Variants in ARMH3 observed in about 807,000 individuals in gnomAD.
ARMH3 encodes the protein armadillo like helical domain containing 3.
A neutral mutation model predicts 99.1 loss-of-function variants in ARMH3; 60 were observed. The observed-to-expected ratio is 0.61, with a 90% CI of 0.49 to 0.75. The LOEUF is 0.75. ARMH3 is among the 30% of genes least tolerant of loss of function. The pLI is 0.00. For missense variants in ARMH3, 679 were observed against 843.1 expected, an observed-to-expected ratio of 0.81 and a Z score of 2.41; for synonymous variants, 285 against 292.8, an observed-to-expected ratio of 0.97 and a Z score of 0.27.
At chr10:101,976,901 C>G (rs1399522576) in intron 19 of ARMH3, among the ~76,000 whole-genome samples, 1 of 152,146 alleles carries the variant, frequency 6.6e-6, no homozygotes, top group Non-Finnish European at 1.5e-5. Flanking sequence ...GATCCACCTG[C>G]CTTGACCTCC....
intron 22 of ARMH3, among the ~76,000 whole-genome samples, chr10:101,954,251 G>A (rs1163412159): frequency 6.6e-6 from 1 of 152,176 alleles, no homozygotes; most frequent in African/African-American, 2.4e-5. Flanking sequence ...ATGTTAACAG[G>A]AGCTTTATTT....
intron 11 of ARMH3, among the ~76,000 whole-genome samples, chr10:102,010,635 C>T (rs1053566397): frequency 1.3e-5 from 2 of 152,206 alleles, no homozygotes; most frequent in Non-Finnish European, 2.9e-5. Flanking sequence ...AAGATGCCTA[C>T]ACCCACTAAA....
At chr10:102,034,531 G>C (rs890753374) in intron 2 of ARMH3, among the ~76,000 whole-genome samples, 1 of 151,842 alleles carries the variant, frequency 6.6e-6, no homozygotes, top group Non-Finnish European at 1.5e-5. Context: ...AGCTACTAGG[G>C]AGGCTGAGGC....
intron 23 of ARMH3, among the ~76,000 whole-genome samples, chr10:101,934,974 A>G (rs1843889272): frequency 2.6e-5 from 4 of 151,916 alleles, no homozygotes; most frequent in Admixed American, 2.6e-4. Context: ...ACACTCCTCT[A>G]AAACACAGCA....
intron 16 of ARMH3, among the ~76,000 whole-genome samples, chr10:101,994,486 A>T (rs1846963733): frequency 6.6e-6 from 1 of 152,114 alleles, no homozygotes; most frequent in Admixed American, 6.6e-5. Flanking sequence ...GTAAAGGGGG[A>T]GGTTGAAGCT....
intron 24 of ARMH3, among the ~76,000 whole-genome samples, chr10:101,877,139 C>CA (rs773248744): frequency 1.3e-4 from 19 of 151,510 alleles, no homozygotes; most frequent in South Asian, 4.2e-4. Context: ...CTATCTCTAC[C>CA]AAAAAAAATA....
At chr10:102,021,376 A>G (rs1590195116) in intron 8 of ARMH3, among the ~76,000 whole-genome samples, 1 of 149,290 alleles carries the variant, frequency 6.7e-6, no homozygotes. Context: ...TACCGTCCCC[A>G]GCCTTAGATT....
At chr10:102,030,173 A>C (rs1399140331) in intron 4 of ARMH3, among the ~76,000 whole-genome samples, 1 of 152,050 alleles carries the variant, frequency 6.6e-6, no homozygotes, top group East Asian at 1.9e-4. Context: ...CTCCTGCCTC[A>C]GCCTCCCAAA....
At chr10:101,901,307 A>G (rs2067971607) in intron 23 of ARMH3, among the ~76,000 whole-genome samples, 1 of 151,342 alleles carries the variant, frequency 6.6e-6, no homozygotes, top group South Asian at 2.1e-4. Context: ...CTCCAGGAAA[A>G]GAATGAAATT....
intron 23 of ARMH3, among the ~76,000 whole-genome samples, chr10:101,908,735 C>T (rs1842741138): frequency 1.3e-5 from 2 of 150,816 alleles, no homozygotes; most frequent in Non-Finnish European, 1.5e-5. Flanking sequence ...GCAGTCTCAG[C>T]TCACTGCAAG....
chr10:101,952,967 C>G (rs1844858598), intron 22 of ARMH3, among the ~76,000 whole-genome samples: 1 of 152,224 alleles, frequency 6.6e-6, no homozygotes, highest in South Asian at 2.1e-4. Context: ...GGTTCATACA[C>G]ACTGCAACAT....
chr10:101,907,956 C>T (rs1189668571), intron 23 of ARMH3, among the ~76,000 whole-genome samples: 3 of 152,212 alleles, frequency 2.0e-5, no homozygotes, highest in Non-Finnish European at 4.4e-5. Context: ...CCATCCTCAT[C>T]CCTTGCCTTA....
chr10:101,916,580 G>C (rs2135576251), intron 23 of ARMH3, among the ~76,000 whole-genome samples: 1 of 152,242 alleles, frequency 6.6e-6, no homozygotes, highest in Middle Eastern at 3.4e-3. Flanking sequence ...TAAAATTAAG[G>C]AATAACTTTC....
intron 4 of ARMH3, among the ~76,000 whole-genome samples, chr10:102,032,765 T>A (rs1309087071): frequency 6.6e-6 from 1 of 152,174 alleles, no homozygotes; most frequent in African/African-American, 2.4e-5. Flanking sequence ...CTTCCCTTTC[T>A]CAAGCAAAAA....
intron 24 of ARMH3, among the ~76,000 whole-genome samples, chr10:101,884,226 AAGTTCCTAATGTCAG>A (rs1443956952): frequency 6.6e-6 from 1 of 152,188 alleles, no homozygotes; most frequent in Non-Finnish European, 1.5e-5. Flanking sequence ...AGTAGACTCA[AAGTTCCTAATGTCAG>A]AAACCACTTA....
chr10:102,002,875 T>C (rs1302751529), intron 14 of ARMH3, among the ~76,000 whole-genome samples: 1 of 151,434 alleles, frequency 6.6e-6, no homozygotes, highest in African/African-American at 2.4e-5. Flanking sequence ...GCAGGAGAAT[T>C]GCTTGAAACC....
intron 24 of ARMH3, among the ~76,000 whole-genome samples, chr10:101,880,219 T>C (rs1360398638): frequency 6.6e-5 from 10 of 152,338 alleles, no homozygotes; most frequent in Admixed American, 1.3e-4. Flanking sequence ...CGTGGGAGTC[T>C]TACATCTCAG....
chr10:102,014,895 A>C (rs1211132234), intron 8 of ARMH3, among the ~76,000 whole-genome samples: 1 of 152,186 alleles, frequency 6.6e-6, no homozygotes, highest in East Asian at 1.9e-4. Flanking sequence ...TTCTAATCCA[A>C]GAGAGGCAAG....
At chr10:102,038,184 T>A (rs978653349) in intron 2 of ARMH3, among the ~76,000 whole-genome samples, 4 of 133,580 alleles carry the variant, frequency 3.0e-5, no homozygotes, top group Non-Finnish European at 6.2e-5. Context: ...AAGCTCCACC[T>A]CCCTGGTTCA....
Sources: allele counts gnomAD v4.1 joint callset (sites outside exome capture counted in the v4.1 genomes callset), GRCh38; gene constraint gnomAD v4.1.1; transcripts MANE v1.5; gene names NCBI Gene and HGNC (gene_info 2026-07-23, HGNC 2026-07-21).